Variants in TRAK1 observed in about 807,000 individuals in gnomAD.
TRAK1 encodes the protein trafficking kinesin-binding protein 1.
Under a neutral mutation model 92.1 loss-of-function variants are expected in TRAK1, and 33 were observed. The ratio of observed to expected loss-of-function variants is 0.36; its 90% CI spans 0.27 to 0.48. TRAK1 has a LOEUF of 0.48. Among genes scored for constraint, TRAK1 ranks in the 20% least tolerant of loss-of-function variants. The probability of loss-of-function intolerance (pLI) is 0.99; values close to 1 mark genes in which losing one functional copy is unlikely to be tolerated. For missense variants in TRAK1, 1,123 were observed against 1,257.9 expected, an observed-to-expected ratio of 0.89 and a Z score of 1.62; for synonymous variants, 521 against 517.3, an observed-to-expected ratio of 1.01 and a Z score of -0.10.
At chr3:42,134,392 C>T (rs1375857871) in intron 2 of TRAK1, among the ~76,000 whole-genome samples, 1 of 151,224 alleles carries the variant, frequency 6.6e-6, no homozygotes, top group Non-Finnish European at 1.5e-5. Flanking sequence ...ATCCTTCTGT[C>T]TCAGCCTCCC....
At chr3:42,175,672 T>G (rs1395065938) in intron 2 of TRAK1, among the ~76,000 whole-genome samples, 1 of 152,214 alleles carries the variant, frequency 6.6e-6, no homozygotes, top group Non-Finnish European at 1.5e-5. Context: ...GATCTCTACT[T>G]GCATTTAATA....
intron 1 of TRAK1, among the ~76,000 whole-genome samples, chr3:42,075,815 C>T (rs1704129995): frequency 6.6e-6 from 1 of 151,588 alleles, no homozygotes; most frequent in South Asian, 2.1e-4. Context: ...TGTTCATGGC[C>T]TTTGCCCATT....
chr3:42,174,346 A>G (rs1166332944), intron 2 of TRAK1, among the ~76,000 whole-genome samples: 1 of 152,240 alleles, frequency 6.6e-6, no homozygotes, highest in Non-Finnish European at 1.5e-5. Flanking sequence ...TAATACACAC[A>G]TGTGCACACA....
intron 2 of TRAK1, among the ~76,000 whole-genome samples, chr3:42,170,790 C>A (rs1702441963): frequency 6.6e-6 from 1 of 151,794 alleles, no homozygotes; most frequent in African/African-American, 2.4e-5. Flanking sequence ...TGCAAACAGC[C>A]CCAAATGCAA....
intron 14 of TRAK1, among the ~76,000 whole-genome samples, chr3:42,215,504 GTGT>G (rs1559400455): frequency 3.5e-4 from 3 of 8,638 alleles, no homozygotes; most frequent in Admixed American, 1.7e-3. Flanking sequence ...CTGTTGGGGT[GTGT>G]GTGTGTGTGT....
At chr3:42,054,918 T>TTTG (rs1703138761) in intron 1 of TRAK1, among the ~76,000 whole-genome samples, 2 of 119,662 alleles carry the variant, frequency 1.7e-5, no homozygotes, top group East Asian at 4.5e-4. Flanking sequence ...TTTTTTTTTT[T>TTTG]TTTTTTTTTT....
At chr3:42,134,340 C>T (rs1366284311) in intron 2 of TRAK1, among the ~76,000 whole-genome samples, 1 of 150,296 alleles carries the variant, frequency 6.7e-6, no homozygotes, top group Non-Finnish European at 1.5e-5. Context: ...GCAGTGGTGG[C>T]AATCACAGCT....
At chr3:42,188,547 C>T (rs58686044) in intron 5 of TRAK1, among the ~76,000 whole-genome samples, 9,113 of 151,926 alleles carry the variant, frequency 0.06, 287 homozygotes, top group Middle Eastern at 0.085. Context: ...GCATGAACTC[C>T]AGAGCCCAGT....
chr3:42,058,589 C>T (rs776449496), intron 1 of TRAK1, among the ~76,000 whole-genome samples: 4 of 152,092 alleles, frequency 2.6e-5, no homozygotes, highest in Non-Finnish European at 4.4e-5. Context: ...GACGATCTGC[C>T]TGCCTCGGCC....
intron 1 of TRAK1, among the ~76,000 whole-genome samples, chr3:42,032,047 G>A (rs546039327): frequency 1.3e-5 from 2 of 152,310 alleles, no homozygotes; most frequent in Non-Finnish European, 2.9e-5. Context: ...AAAGTGAGGG[G>A]AATCAGCTCC....
intron 1 of TRAK1, among the ~76,000 whole-genome samples, chr3:42,039,592 GA>G (rs1346052856): frequency 6.6e-6 from 1 of 152,220 alleles, no homozygotes; most frequent in African/African-American, 2.4e-5. Flanking sequence ...TCAAACTCCT[GA>G]CCTCAAGTGA....
At chr3:42,104,823 A>G (rs1185780234) in intron 1 of TRAK1, among the ~76,000 whole-genome samples, 1 of 152,210 alleles carries the variant, frequency 6.6e-6, no homozygotes, top group Non-Finnish European at 1.5e-5. Context: ...CTCGCCAGCA[A>G]CGGAACAAAG....
intron 2 of TRAK1, among the ~76,000 whole-genome samples, chr3:42,131,347 C>A (rs1277449656): frequency 1.3e-5 from 2 of 152,184 alleles, no homozygotes; most frequent in Admixed American, 6.5e-5. Context: ...CAGCCTCTTT[C>A]ACCAGTTCTT....
rs1703633606 is a variant in TRAK1 at position 42,179,075 on chromosome 3, C to T, written c.363+2185C>T. Among the ~76,000 whole-genome samples, 4 of 152,346 alleles carry T rather than the reference C, an allele frequency of 2.6e-5. No individual in the cohort carries two copies. In the South Asian group the frequency reaches 6.2e-4, roughly 24 times the overall value. ...TTAAAAAATTCTCTCACCTTGACCT[C>T]CCAAAGTGCTGGGATTATAGGCATG... On this transcript the variant is annotated intron_variant, in intron 3 of 15. Transcript: ENST00000327628.
At chr3:42,191,852 T>C (rs1451919808) in intron 7 of TRAK1, among the ~76,000 whole-genome samples, 8 of 150,980 alleles carry the variant, frequency 5.3e-5, no homozygotes, top group Non-Finnish European at 8.8e-5. Context: ...ATCACTGAGG[T>C]GGATATTTAA....
chr3:42,149,659 T>G, intron 2 of TRAK1: 2 of 1,534,302 alleles, frequency 1.3e-6, no homozygotes, highest in South Asian at 2.4e-5. Context: ...TCCTTCTGGG[T>G]GGGGGGTGTC....
intron 1 of TRAK1, among the ~76,000 whole-genome samples, chr3:42,055,408 A>G (rs1703160457): frequency 1.3e-5 from 2 of 152,218 alleles, no homozygotes; most frequent in Non-Finnish European, 2.9e-5. Context: ...TGTCACATCT[A>G]AAGTATGGAA....
At chr3:42,182,378 C>T (rs944341164) in intron 3 of TRAK1, among the ~76,000 whole-genome samples, 5 of 151,932 alleles carry the variant, frequency 3.3e-5, no homozygotes, top group East Asian at 1.9e-4. Flanking sequence ...GAGTGAGCCC[C>T]GCCTCCTGGG....
chr3:42,158,571 C>CTTT (rs10522929), intron 2 of TRAK1, among the ~76,000 whole-genome samples: 3 of 147,342 alleles, frequency 2.0e-5, no homozygotes, highest in Non-Finnish European at 3.0e-5. Context: ...ATTTCTACAC[C>CTTT]TTTTTTTTTT....
Sources: gnomAD v4.1 joint callset for allele counts (sites outside exome capture counted in the v4.1 genomes callset) on GRCh38, gnomAD v4.1.1 for gene constraint, MANE v1.5 for transcripts, NCBI Gene and HGNC (gene_info 2026-07-23, HGNC 2026-07-21) for gene names.